CTNNA3: variants seen among roughly 807,000 people sequenced by gnomAD.
The protein encoded by CTNNA3 is catenin alpha 3.
A neutral mutation model predicts 95.7 loss-of-function variants in CTNNA3; 76 were observed. The ratio of observed to expected loss-of-function variants is 0.79; its 90% confidence interval spans 0.66 to 0.96. The LOEUF is 0.96. CTNNA3 is among the 40% of genes least tolerant of loss of function. The probability of loss-of-function intolerance (pLI) is 0.00; values close to 1 mark genes in which losing one functional copy is unlikely to be tolerated. For missense variants in CTNNA3, 1,191 were observed against 1,089.8 expected (o/e 1.09, Z -1.31); for synonymous variants, 431 against 374.4 (o/e 1.15, Z -1.74).
chr10:66,401,955 C>G (rs771400942), intron 11 of CTNNA3, among the ~76,000 whole-genome samples: 2 of 151,972 alleles, frequency 1.3e-5, no homozygotes, highest in African/African-American at 2.4e-5. Context: ...CCACCATACC[C>G]GGCCTCTTTT....
intron 12 of CTNNA3, among the ~76,000 whole-genome samples, chr10:66,364,867 C>T (rs117679970): frequency 0.036 from 5,460 of 152,222 alleles, 127 homozygotes; most frequent in Non-Finnish European, 0.049. Context: ...TTACAGTCCT[C>T]TATGTATGTC....
In CTNNA3 at chr10:67,726,603, T is replaced by C. The variant is rs1047832667; in HGVS notation, c.-2+36831A>G. ...ATATAATATGTAATATTATATTACA[T>C]ATTATATAATATATAATATATATTA... On this transcript the variant is annotated intron_variant, in intron 1 of 17. Transcript: ENST00000684154. 7.2e-4 allele frequency among the ~76,000 whole-genome samples: 21 copies of C among 29,318 alleles called. No homozygotes were observed. In the East Asian group the frequency reaches 0.023, roughly 32 times the overall value. 19.2% of individuals were successfully genotyped at this position (29,318 alleles called of 152,430 possible).
At chr10:67,725,222 G>A (rs1841202549) in intron 1 of CTNNA3, among the ~76,000 whole-genome samples, 1 of 151,048 alleles carries the variant, frequency 6.6e-6, no homozygotes, top group South Asian at 2.1e-4. Context: ...TGTTGCCCAG[G>A]CTGGCGTGCA....
rs144244922 is a variant in CTNNA3 at position 66,802,960 on chromosome 10, T to C, written c.1048-27436A>G. ...CTTGATCATCTGAGGGGTTGTGGTG[T>C]ATAAGATTTGACTGTAAGGGGGCCC... On this transcript the variant is annotated intron_variant, in intron 7 of 17. Transcript: ENST00000433211. Among the ~76,000 whole-genome samples the C allele has an allele frequency of 4.1e-3, 618 of 152,092 alleles. 9 individuals carry two copies. The highest frequency in any genetic ancestry group is 8.7e-3 in the Admixed American group (132 of 15,246).
At chr10:65,971,224 A>G (rs1468056703) in intron 16 of CTNNA3, among the ~76,000 whole-genome samples, 2 of 151,966 alleles carry the variant, frequency 1.3e-5, no homozygotes, top group African/African-American at 4.8e-5. Context: ...AAGATCTCAA[A>G]TTAATGATTT....
chr10:67,120,306 C>T (rs760226629), intron 7 of CTNNA3, among the ~76,000 whole-genome samples: 17 of 151,936 alleles, frequency 1.1e-4, no homozygotes, highest in South Asian at 2.1e-4. Context: ...CTTTATACTA[C>T]GAGGGAAAGC....
intron 7 of CTNNA3, among the ~76,000 whole-genome samples, chr10:67,094,736 T>G (rs1857863950): frequency 6.6e-6 from 1 of 151,770 alleles, no homozygotes; most frequent in Non-Finnish European, 1.5e-5. Flanking sequence ...TTATCTTACT[T>G]GACATTCCAA....
Position 66,809,806 on chromosome 10 carries a change from CT to C in CTNNA3, c.1048-34283del, listed in dbSNP as rs71035181. 1.6e-3 allele frequency among the ~76,000 whole-genome samples: 223 copies of C among 142,310 alleles called. 3 individuals carry two copies. The highest frequency in any genetic ancestry group is 2.5e-3 in the African/African-American group (98 of 38,752). 93.4% of individuals were successfully genotyped at this position (142,310 alleles called of 152,430 possible). ...TGTTTTTACCTAGAATTGCTGATTTCTTTTTTTTTTTTTTTGAGACAAAGTC... is the reference window on the plus strand; with the variant it reads ...TGTTTTTACCTAGAATTGCTGATTTCTTTTTTTTTTTTTTGAGACAAAGTC... On this transcript the variant is annotated intron_variant, in intron 7 of 17. Transcript: ENST00000433211.
chr10:66,421,791 T>C (rs1019078924), intron 11 of CTNNA3, among the ~76,000 whole-genome samples: 3 of 142,250 alleles, frequency 2.1e-5, no homozygotes, highest in Non-Finnish European at 3.0e-5. Flanking sequence ...GCCGAGACTG[T>C]GCCACTGCAC....
intron 3 of CTNNA3, among the ~76,000 whole-genome samples, chr10:67,576,800 C>A (rs566223547): frequency 9.3e-6 from 1 of 107,172 alleles, no homozygotes; most frequent in Non-Finnish European, 1.6e-5. Context: ...TGAGAACATG[C>A]GGTGTTTGGT....
At chr10:66,504,248 C>T (rs1257196225) in intron 11 of CTNNA3, among the ~76,000 whole-genome samples, 1 of 152,100 alleles carries the variant, frequency 6.6e-6, no homozygotes, top group East Asian at 1.9e-4. Context: ...TATTCTACTC[C>T]CTGCTTCTAT....
At chr10:66,635,990 C>CTGTGTGTGTGTGTGTG (rs10527642) in intron 9 of CTNNA3, among the ~76,000 whole-genome samples, 42 of 145,944 alleles carry the variant, frequency 2.9e-4, no homozygotes, top group Middle Eastern at 3.5e-3. Flanking sequence ...TGGAAGAACA[C>CTGTGTGTGTGTGTGTG]TGTGTGTGTG....
At chr10:66,033,844 T>C (rs534430214) in intron 15 of CTNNA3, among the ~76,000 whole-genome samples, 2 of 152,336 alleles carry the variant, frequency 1.3e-5, no homozygotes, top group African/African-American at 2.4e-5. Context: ...CACAGACTTA[T>C]ATAATGTCTT....
chr10:65,955,095 T>G (rs961154837), intron 17 of CTNNA3, among the ~76,000 whole-genome samples: 4 of 151,926 alleles, frequency 2.6e-5, no homozygotes, highest in Non-Finnish European at 5.9e-5. Context: ...CTTGAAGAGG[T>G]CCTTCACATC....
chr10:66,959,317 C>G (rs1417273728), intron 7 of CTNNA3, among the ~76,000 whole-genome samples: 1 of 152,142 alleles, frequency 6.6e-6, no homozygotes. Flanking sequence ...TCAGGGAACT[C>G]TTTGAGCTAG....
At chr10:66,879,444 C>T (rs980292050) in intron 7 of CTNNA3, among the ~76,000 whole-genome samples, 2 of 152,044 alleles carry the variant, frequency 1.3e-5, no homozygotes, top group Admixed American at 6.6e-5. Flanking sequence ...GTCTATGGAT[C>T]GTATAAAGCA....
At chr10:67,195,734 C>T (rs140096702) in intron 6 of CTNNA3, among the ~76,000 whole-genome samples, 269 of 152,106 alleles carry the variant, frequency 1.8e-3, no homozygotes, top group African/African-American at 6.1e-3. Flanking sequence ...TGTGACCATG[C>T]CTTACCAGGA....
chr10:66,956,308 G>T (rs1406669030), intron 7 of CTNNA3, among the ~76,000 whole-genome samples: 3 of 151,682 alleles, frequency 2.0e-5, no homozygotes, highest in Non-Finnish European at 4.4e-5. Context: ...AAAACCACTG[G>T]TAAGAGTTTT....
chr10:66,641,648 T>C (rs1845520430), intron 9 of CTNNA3, among the ~76,000 whole-genome samples: 1 of 152,156 alleles, frequency 6.6e-6, no homozygotes, highest in South Asian at 2.1e-4. Flanking sequence ...CTTACTGCTC[T>C]TTTTCATTGT....
Sources: gnomAD v4.1 joint callset for allele counts (sites outside exome capture counted in the v4.1 genomes callset) on GRCh38, gnomAD v4.1.1 for gene constraint, MANE v1.5 for transcripts, NCBI Gene and HGNC (gene_info 2026-07-23, HGNC 2026-07-21) for gene names.